Variants in CDH4 observed in about 807,000 individuals in gnomAD.
CDH4 encodes cadherin-4.
CDH4 carries 33 observed loss-of-function variants against 86.0 expected under a neutral mutation model. That is an observed-to-expected ratio of 0.38 (90% confidence interval 0.29 to 0.51). The LOEUF is 0.51. CDH4 is among the 20% of genes least tolerant of loss of function. The pLI is 0.86. For missense variants in CDH4, 1,114 were observed against 1,307.4 expected, an observed-to-expected ratio of 0.85 and a Z score of 2.28; for synonymous variants, 555 against 549.4, an observed-to-expected ratio of 1.01 and a Z score of -0.14.
chr20:61,405,035 T>C (rs2085073650), intron 2 of CDH4, among the ~76,000 whole-genome samples: 1 of 152,052 alleles, frequency 6.6e-6, no homozygotes, highest in Admixed American at 6.6e-5. Context: ...GAGTACAGAG[T>C]AAGATTCAGT....
At chr20:61,721,921 C>G (rs2088046752) in intron 2 of CDH4, among the ~76,000 whole-genome samples, 1 of 152,150 alleles carries the variant, frequency 6.6e-6, no homozygotes, top group Admixed American at 6.5e-5. Context: ...CCCACACTCT[C>G]CATTGGCCCT....
intron 2 of CDH4, among the ~76,000 whole-genome samples, chr20:61,529,320 C>T (rs1335617666): frequency 6.6e-6 from 1 of 152,110 alleles, no homozygotes; most frequent in East Asian, 1.9e-4. Context: ...ATGGGGAACT[C>T]ATAATAAAAC....
intron 2 of CDH4, among the ~76,000 whole-genome samples, chr20:61,614,572 T>G (rs2086710831): frequency 6.6e-6 from 1 of 152,106 alleles, no homozygotes; most frequent in Non-Finnish European, 1.5e-5. Context: ...AGCCCTTATC[T>G]GTGGAGTCTG....
At chr20:61,524,930 AC>A (rs554706920) in intron 2 of CDH4, among the ~76,000 whole-genome samples, 282 of 152,284 alleles carry the variant, frequency 1.9e-3, no homozygotes, top group Non-Finnish European at 3.3e-3. Context: ...ACCACTCCTC[AC>A]CCTGTCCACC....
intron 2 of CDH4, among the ~76,000 whole-genome samples, chr20:61,306,096 A>G (rs981824724): frequency 2.6e-5 from 4 of 152,162 alleles, no homozygotes; most frequent in African/African-American, 9.7e-5. Context: ...CACGCTCTTG[A>G]AAACTTTGAA....
intron 2 of CDH4, among the ~76,000 whole-genome samples, chr20:61,305,612 C>G (rs575864606): frequency 3.9e-4 from 60 of 152,366 alleles, no homozygotes; most frequent in Admixed American, 1.4e-3. Context: ...ACGAACCTCT[C>G]TCTTCCCCTT....
intron 2 of CDH4, among the ~76,000 whole-genome samples, chr20:61,596,234 A>G (rs1276853716): frequency 6.6e-6 from 1 of 152,220 alleles, no homozygotes; most frequent in Non-Finnish European, 1.5e-5. Context: ...CTGAAAATGA[A>G]GGAATGGAAG....
intron 2 of CDH4, among the ~76,000 whole-genome samples, chr20:61,659,851 G>A (rs2087233854): frequency 6.6e-6 from 1 of 152,222 alleles, no homozygotes. Flanking sequence ...CAGAGGCAGG[G>A]CTGCAGCTGC....
At chr20:61,515,843 T>C (rs1441189654) in intron 2 of CDH4, among the ~76,000 whole-genome samples, 1 of 152,196 alleles carries the variant, frequency 6.6e-6, no homozygotes, top group Non-Finnish European at 1.5e-5. Flanking sequence ...CTCACTCTGC[T>C]CTTGTTCTCT....
intron 4 of CDH4, among the ~76,000 whole-genome samples, chr20:61,819,924 T>C (rs1980927948): frequency 6.6e-6 from 1 of 152,210 alleles, no homozygotes; most frequent in Non-Finnish European, 1.5e-5. Context: ...GGGCTGCTGA[T>C]CTGATCCCGC....
At chr20:61,779,627 C>T (rs1305269346) in intron 4 of CDH4, among the ~76,000 whole-genome samples, 3 of 152,252 alleles carry the variant, frequency 2.0e-5, no homozygotes, top group Non-Finnish European at 4.4e-5. Context: ...CACATACACC[C>T]CATTGCTTCA....
intron 4 of CDH4, among the ~76,000 whole-genome samples, chr20:61,790,442 A>G (rs1979116874): frequency 6.7e-6 from 1 of 149,254 alleles, no homozygotes; most frequent in South Asian, 2.1e-4. Context: ...CCATCCATCC[A>G]TTCATCCATC....
chr20:61,488,401 T>C (rs1326556937), intron 2 of CDH4, among the ~76,000 whole-genome samples: 1 of 152,126 alleles, frequency 6.6e-6, no homozygotes, highest in Non-Finnish European at 1.5e-5. Context: ...ATGCTTGGAG[T>C]TCACACGGGT....
At chr20:61,341,911 C>T (rs2084651203) in intron 2 of CDH4, among the ~76,000 whole-genome samples, 1 of 152,164 alleles carries the variant, frequency 6.6e-6, no homozygotes, top group Non-Finnish European at 1.5e-5. Flanking sequence ...TTTGCGTCTC[C>T]TTTTCTTGCC....
intron 2 of CDH4, among the ~76,000 whole-genome samples, chr20:61,737,738 C>T (rs6121797): frequency 0.02 from 3,108 of 152,334 alleles, 46 homozygotes; most frequent in Non-Finnish European, 0.034. Flanking sequence ...GACATCCACC[C>T]AGTGCCTGCC....
At chr20:61,382,070 C>G (rs990321526) in intron 2 of CDH4, among the ~76,000 whole-genome samples, 1 of 144,420 alleles carries the variant, frequency 6.9e-6, no homozygotes, top group Non-Finnish European at 1.5e-5. Context: ...GAAAAAAACT[C>G]CATCTCAAAA....
At chr20:61,309,814 T>G (rs752065896) in intron 2 of CDH4, among the ~76,000 whole-genome samples, 31 of 152,230 alleles carry the variant, frequency 2.0e-4, no homozygotes, top group Admixed American at 8.5e-4. Flanking sequence ...TAAGCAATGT[T>G]TCAGAAAGAG....
intron 2 of CDH4, among the ~76,000 whole-genome samples, chr20:61,361,608 C>T (rs954796019): frequency 6.6e-6 from 1 of 152,176 alleles, no homozygotes; most frequent in African/African-American, 2.4e-5. Flanking sequence ...GACAGTCGTG[C>T]GTGGAGGAGC....
At chr20:61,769,835 A>G (rs1231352213) in intron 3 of CDH4, among the ~76,000 whole-genome samples, 1 of 152,228 alleles carries the variant, frequency 6.6e-6, no homozygotes, top group African/African-American at 2.4e-5. Flanking sequence ...CAGTGGGATT[A>G]ATCTGGTCTT....
Sources: allele counts gnomAD v4.1 joint callset (sites outside exome capture counted in the v4.1 genomes callset), GRCh38; gene constraint gnomAD v4.1.1; transcripts MANE v1.5; gene names NCBI Gene and HGNC (gene_info 2026-07-23, HGNC 2026-07-21).